Variants in CAMTA1 observed in about 807,000 individuals in gnomAD.
CAMTA1 encodes calmodulin-binding transcription activator 1.
CAMTA1 carries 27 observed loss-of-function variants against 170.9 expected under a neutral mutation model. That is an observed-to-expected ratio of 0.16 (90% CI 0.12 to 0.22). The LOEUF (loss-of-function observed/expected upper bound fraction) is 0.22, where lower values mean the gene tolerates loss of function less well. CAMTA1 is among the 10% of genes least tolerant of loss of function. The pLI is 1.00. For synonymous variants in CAMTA1, 833 were observed against 891.5 expected (o/e 0.93, Z 1.17); for missense variants, 1,619 against 2,217.2 (o/e 0.73, Z 5.42).
intron 6 of CAMTA1, among the ~76,000 whole-genome samples, chr1:7,605,338 C>G (rs972623574): frequency 6.6e-6 from 1 of 152,244 alleles, no homozygotes; most frequent in South Asian, 2.1e-4. Context: ...CCACTGAGTT[C>G]GAGCTTCCCA....
chr1:7,659,312 G>A (rs1267710650), intron 7 of CAMTA1, among the ~76,000 whole-genome samples: 2 of 152,064 alleles, frequency 1.3e-5, no homozygotes, highest in African/African-American at 4.8e-5. Flanking sequence ...AAGGGGGGTG[G>A]ATCACAAGGT....
At chr1:7,304,031 G>C (rs376466396) in intron 5 of CAMTA1, among the ~76,000 whole-genome samples, 2 of 152,140 alleles carry the variant, frequency 1.3e-5, no homozygotes, top group South Asian at 2.1e-4. Context: ...GAGAGACAGG[G>C]ATTAGAGTAG....
chr1:6,787,301 C>G (rs1002126266), intron 1 of CAMTA1, among the ~76,000 whole-genome samples: 2 of 152,138 alleles, frequency 1.3e-5, no homozygotes, highest in African/African-American at 4.8e-5. Flanking sequence ...CTTGTGTGCT[C>G]CTTGTTGTAC....
At chr1:6,870,350 A>G (rs1668044482) in intron 3 of CAMTA1, among the ~76,000 whole-genome samples, 2 of 149,388 alleles carry the variant, frequency 1.3e-5, no homozygotes, top group Admixed American at 1.3e-4. Context: ...TATGCAACTT[A>G]AAAAAAAAAC....
chr1:7,197,987 G>T (rs150549050), intron 4 of CAMTA1, among the ~76,000 whole-genome samples: 99 of 150,616 alleles, frequency 6.6e-4, no homozygotes, highest in Middle Eastern at 6.9e-3. Flanking sequence ...TCCAAAGACC[G>T]GGAGATGCTC....
chr1:7,218,245 G>T (rs1220272400), intron 4 of CAMTA1, among the ~76,000 whole-genome samples: 2 of 152,178 alleles, frequency 1.3e-5, no homozygotes, highest in Non-Finnish European at 2.9e-5. Context: ...CATCGTTGAG[G>T]TTTTTAATTC....
chr1:7,629,907 C>T (rs762100991), intron 6 of CAMTA1, among the ~76,000 whole-genome samples: 6 of 152,254 alleles, frequency 3.9e-5, no homozygotes, highest in Non-Finnish European at 8.8e-5. Context: ...TGCCAGCCTC[C>T]GTTGCCAATT....
At chr1:6,852,455 A>G (rs1660760364) in intron 3 of CAMTA1, among the ~76,000 whole-genome samples, 1 of 152,204 alleles carries the variant, frequency 6.6e-6, no homozygotes, top group Non-Finnish European at 1.5e-5. Context: ...TTAGAAACCA[A>G]TTGCAAGTCC....
intron 3 of CAMTA1, among the ~76,000 whole-genome samples, chr1:7,001,280 G>T (rs745519731): frequency 2.6e-5 from 4 of 152,116 alleles, no homozygotes; most frequent in Non-Finnish European, 5.9e-5. Flanking sequence ...TGTCTCTCCA[G>T]GTCCCAGGAC....
chr1:7,041,639 C>G lies in CAMTA1; in HGVS notation c.235-49665C>G, dbSNP rs1031050504. 6.6e-6 allele frequency among the ~76,000 whole-genome samples: 1 copy of G among 152,176 alleles called. No homozygotes were observed. Among genetic ancestry groups the G allele is most frequent in the Non-Finnish European group, 1.5e-5 (1 of 68,036 alleles). On this transcript the variant is annotated intron_variant, in intron 3 of 22. Transcript: ENST00000303635. The surrounding 1 kb of genome is among the most constrained non-coding windows in gnomAD (Gnocchi z 5.1). ...AGAAATACGCATAAAGGCACAATTA[C>G]CATGGACATTTTCCTTTTAATGATC...
Position 7,664,266 on chromosome 1 carries a change from C to A in CAMTA1, c.1719C>A (p.Gly573=). 6.2e-7 allele frequency: 1 copy of A among 1,612,640 alleles called. No homozygotes were observed. The highest frequency in any genetic ancestry group is 2.2e-5 in the East Asian group (1 of 44,876). The change falls in exon 9 of 23, where the codon GGC becomes GGA. Residue 573 remains glycine, a synonymous_variant. Coordinates refer to ENST00000303635, the MANE Select transcript of CAMTA1 (RefSeq NM_015215.4). ...GCTCCAGCCTCCTGCCGTCGGGCGG[C>A]GGCCTGAGTCCCAGCACCACCCTGG... ...TAGSSLLPSG[G]GLSPSTTLEQ... is the part of the protein sequence containing the mutation.
chr1:7,045,408 C>G lies in CAMTA1; in HGVS notation c.235-45896C>G, dbSNP rs556971838. 9.8e-5 allele frequency among the ~76,000 whole-genome samples: 15 copies of G among 152,350 alleles called. No individual in the cohort carries two copies. The South Asian group carries it at 3.1e-3, about 32-fold the overall frequency. On this transcript the variant is annotated intron_variant, in intron 3 of 22. Coordinates refer to ENST00000303635, the MANE Select transcript of CAMTA1 (RefSeq NM_015215.4). ...TTCATTCTGTCCTCAGCTGAAATAG[C>G]AAACAGCTGGTCACCATCCGGCACC...
Position 6,797,919 on chromosome 1 carries a change from A to G in CAMTA1, c.45+12344A>G, listed in dbSNP as rs149350634. ...GACTTAAATGACATTGTTTTCCCTA[A>G]TAATGAAATAATTTATATATTATTT... is the stretch of plus-strand genomic sequence containing the variant. On this transcript the variant is annotated intron_variant, in intron 1 of 22. Transcript: ENST00000303635. Among the ~76,000 whole-genome samples the G allele has an allele frequency of 2.1e-3, 314 of 151,982 alleles. 1 individual carries two copies. Among genetic ancestry groups the G allele is most frequent in the Admixed American group, 4.4e-3 (67 of 15,274 alleles).
chr1:7,380,665 T>C (rs1432883564), intron 5 of CAMTA1, among the ~76,000 whole-genome samples: 1 of 152,206 alleles, frequency 6.6e-6, no homozygotes, highest in Non-Finnish European at 1.5e-5. Flanking sequence ...TTCCATCAGG[T>C]CTTAGTAAGA....
At chr1:7,287,210 C>T (rs1481966725) in intron 5 of CAMTA1, among the ~76,000 whole-genome samples, 3 of 151,960 alleles carry the variant, frequency 2.0e-5, no homozygotes, top group Non-Finnish European at 4.4e-5. Flanking sequence ...GGCAGTGTGA[C>T]CTCAGTGAGC....
At chr1:7,409,456 T>TGGCCAGTGGGAAATGAGACCCA (rs2090545400) in intron 5 of CAMTA1, among the ~76,000 whole-genome samples, 1 of 152,156 alleles carries the variant, frequency 6.6e-6, no homozygotes, top group African/African-American at 2.4e-5. Context: ...GTCGAGAGCC[T>TGGCCAGTGGGAAATGAGACCCA]GGCCAGTGGG....
At chr1:7,148,782 G>A (rs2148669464) in intron 4 of CAMTA1, among the ~76,000 whole-genome samples, 1 of 152,370 alleles carries the variant, frequency 6.6e-6, no homozygotes, top group Non-Finnish European at 1.5e-5. Context: ...AGCAGACTGG[G>A]GGGTGCCTGC....
intron 1 of CAMTA1, among the ~76,000 whole-genome samples, chr1:6,787,113 C>G (rs528698517): frequency 6.6e-6 from 1 of 152,252 alleles, no homozygotes; most frequent in Admixed American, 6.5e-5. Flanking sequence ...AACTCATATC[C>G]TCCTCTGTGG....
At chr1:7,156,530 A>G (rs1183056692) in intron 4 of CAMTA1, among the ~76,000 whole-genome samples, 2 of 152,186 alleles carry the variant, frequency 1.3e-5, no homozygotes, top group Admixed American at 1.3e-4. Context: ...CTGACTATTC[A>G]CAGATATTCT....
Sources: gnomAD v4.1 joint callset for allele counts (sites outside exome capture counted in the v4.1 genomes callset) on GRCh38, gnomAD v4.1.1 for gene constraint, Gnocchi (gnomAD v3.1) non-coding constraint, MANE v1.5 for transcripts, NCBI Gene and HGNC (gene_info 2026-07-23, HGNC 2026-07-21) for gene names.